TMPRSS11F: variants seen among roughly 807,000 people sequenced by gnomAD.
The protein encoded by TMPRSS11F is transmembrane serine protease 11F, also known as transmembrane protease serine 11F.
Under a neutral mutation model 60.2 loss-of-function variants are expected in TMPRSS11F, and 47 were observed. That is an observed-to-expected ratio of 0.78 (90% CI 0.62 to 1.00). The LOEUF is 1.00. Ranked by LOEUF, TMPRSS11F falls within the 50% of genes least tolerant of loss-of-function variation. TMPRSS11F has a pLI of 0.00. For missense variants in TMPRSS11F, 519 were observed against 522.9 expected (o/e 0.99, Z 0.07); for synonymous variants, 166 against 167.3 (o/e 0.99, Z 0.06).
rs114313997 is a variant in TMPRSS11F, at chr4:68,062,848, T to C, written c.1015+1837A>G. The stretch of plus-strand genomic sequence containing the variant: ...ATTTCCGTAGAGTTAACTTAACATA[T>C]GTATTGGGTGGTCTGTTTGCTGCCC... On this transcript the variant is annotated intron_variant, in intron 8 of 9. Transcript: ENST00000356291. 398 of 772,476 alleles carry C rather than the reference T, an allele frequency of 5.2e-4. 1 individual carries two copies. In the African/African-American group the frequency reaches 6.4e-3, roughly 13 times the overall value. The allele number at this position is 772,476 out of a possible 1,614,324, so 47.9% of individuals were successfully genotyped here.
chr4:68,090,891 A>G (rs560759212), intron 2 of TMPRSS11F, among the ~76,000 whole-genome samples: 1 of 152,324 alleles, frequency 6.6e-6, no homozygotes, highest in African/African-American at 2.4e-5. Flanking sequence ...CAAAATATTC[A>G]TAAAATTGGA....
intron 9 of TMPRSS11F, among the ~76,000 whole-genome samples, chr4:68,058,634 A>G (rs999798383): frequency 6.6e-6 from 1 of 152,218 alleles, no homozygotes; most frequent in Middle Eastern, 3.2e-3. Flanking sequence ...CATACTGCAT[A>G]CTGGATGGTG....
intron 1 of TMPRSS11F, among the ~76,000 whole-genome samples, chr4:68,127,135 G>C (rs1306850201): frequency 6.6e-6 from 1 of 152,148 alleles, no homozygotes; most frequent in Non-Finnish European, 1.5e-5. Flanking sequence ...TAGTCAGAAT[G>C]ATCACTTCAG....
At chr4:68,094,742 G>A (rs187236722) in intron 2 of TMPRSS11F, among the ~76,000 whole-genome samples, 1 of 151,928 alleles carries the variant, frequency 6.6e-6, no homozygotes, top group Non-Finnish European at 1.5e-5. Flanking sequence ...TACTCTTTAG[G>A]TTTTCAAGAA....
At chr4:68,122,803 C>T (rs1253265212) in intron 1 of TMPRSS11F, among the ~76,000 whole-genome samples, 2 of 152,152 alleles carry the variant, frequency 1.3e-5, no homozygotes, top group South Asian at 4.1e-4. Flanking sequence ...TAGACATATG[C>T]ACATTAATGC....
At chr4:68,109,499 A>G (rs770846047) in intron 1 of TMPRSS11F, among the ~76,000 whole-genome samples, 2 of 152,356 alleles carry the variant, frequency 1.3e-5, no homozygotes, top group Non-Finnish European at 2.9e-5. Context: ...TAAAAATTTT[A>G]TAAGTCTGCT....
chr4:68,126,921 A>C (rs910362913), intron 1 of TMPRSS11F, among the ~76,000 whole-genome samples: 1 of 152,212 alleles, frequency 6.6e-6, no homozygotes, highest in Non-Finnish European at 1.5e-5. Flanking sequence ...AGGAACATCC[A>C]TTGTAGGCAG....
intron 5 of TMPRSS11F, among the ~76,000 whole-genome samples, chr4:68,071,390 G>A (rs1352204647): frequency 1.3e-5 from 2 of 152,110 alleles, no homozygotes; most frequent in African/African-American, 4.8e-5. Context: ...ATTGGGAAGG[G>A]AGAAGTCTTT....
chr4:68,072,772 C>T (rs901809843), intron 4 of TMPRSS11F, among the ~76,000 whole-genome samples: 3 of 151,992 alleles, frequency 2.0e-5, no homozygotes, highest in Admixed American at 6.6e-5. Flanking sequence ...GAGGGGTTTG[C>T]GGGCGGAGAT....
chr4:68,074,131 CA>C (rs1299073336), intron 3 of TMPRSS11F, 122 bp from the exon 4 acceptor site: 3 of 537,208 alleles, frequency 5.6e-6, no homozygotes, highest in African/African-American at 2.0e-5. Flanking sequence ...GAGACTTGGG[CA>C]AAAAAATAAA....
intron 6 of TMPRSS11F, 100 bp from the exon 7 acceptor site, chr4:68,068,919 T>C: frequency 3.3e-6 from 4 of 1,214,454 alleles, no homozygotes; most frequent in Non-Finnish European, 4.7e-6. Context: ...CCTGCTACCA[T>C]GTGAACCATT....
intron 1 of TMPRSS11F, among the ~76,000 whole-genome samples, chr4:68,112,485 C>T (rs1724426191): frequency 6.6e-6 from 1 of 152,028 alleles, no homozygotes; most frequent in African/African-American, 2.4e-5. Flanking sequence ...TCCCATGGTG[C>T]CCTATATTTT....
intron 3 of TMPRSS11F, among the ~76,000 whole-genome samples, chr4:68,084,989 G>GT (rs1350098735): frequency 7.5e-6 from 1 of 132,610 alleles, no homozygotes; most frequent in African/African-American, 2.9e-5. Flanking sequence ...GCGGTGTTTG[G>GT]TTTTTTGTTC....
chr4:68,116,218 C>A (rs2109884931), intron 1 of TMPRSS11F, among the ~76,000 whole-genome samples: 1 of 152,110 alleles, frequency 6.6e-6, no homozygotes, highest in African/African-American at 2.4e-5. Flanking sequence ...ATTAGAATGG[C>A]AACAGTTTTT....
chr4:68,092,705 A>G (rs1285450778), intron 2 of TMPRSS11F, among the ~76,000 whole-genome samples: 1 of 135,886 alleles, frequency 7.4e-6, no homozygotes, highest in Non-Finnish European at 1.7e-5. Context: ...AAGATTTCAC[A>G]ATTAAAGTTT....
chr4:68,119,020 T>C (rs1724575908), intron 1 of TMPRSS11F, among the ~76,000 whole-genome samples: 1 of 152,136 alleles, frequency 6.6e-6, no homozygotes, highest in Admixed American at 6.5e-5. Context: ...GAAAAAGTTC[T>C]TTGAGTAAAT....
intron 3 of TMPRSS11F, among the ~76,000 whole-genome samples, chr4:68,075,319 C>T (rs986747843): frequency 6.6e-6 from 1 of 152,112 alleles, no homozygotes; most frequent in Non-Finnish European, 1.5e-5. Flanking sequence ...GTGGTTCTAC[C>T]CTATCTTCTG....
At chr4:68,062,623 T>C in intron 8 of TMPRSS11F, 1 of 842,458 alleles carries the variant, frequency 1.2e-6, no homozygotes. Flanking sequence ...GATTGAGTTC[T>C]TCTCCAGAGC....
rs1228920215 is a variant in TMPRSS11F at position 68,059,333 on chromosome 4, G to T, written c.1151C>A (p.Ala384Glu). 6.2e-7 allele frequency: 1 copy of T among 1,612,568 alleles called. No individual in the cohort carries two copies. The highest frequency in any genetic ancestry group is 8.5e-7 in the Non-Finnish European group (1 of 1,179,478). ...CCTTGACTTTAAACTTACCTTACAT[G>T]CATCTATTTTTCCTTCCATGAATCC... is the stretch of plus-strand genomic sequence containing the variant. ...CAGFMEGKID[A>E]CKGDSGGPLV... Residue 384 changes from alanine (A) to glutamate (E), a missense_variant, in exon 9 of 10, where the codon GCA becomes GAA. By Grantham distance (107) the Ala-to-Glu change is moderately radical (BLOSUM62 -1). Coordinates refer to ENST00000356291, the MANE Select transcript of TMPRSS11F (RefSeq NM_207407.2).
Sources: allele counts gnomAD v4.1 joint callset (sites outside exome capture counted in the v4.1 genomes callset), GRCh38; gene constraint gnomAD v4.1.1; transcripts MANE v1.5; gene names NCBI Gene and HGNC (gene_info 2026-07-23, HGNC 2026-07-21).